ITGA4: variants seen among roughly 807,000 people sequenced by gnomAD.
The protein encoded by ITGA4 is integrin subunit alpha 4.
A neutral mutation model predicts 133.6 loss-of-function variants in ITGA4; 63 were observed. The ratio of observed to expected loss-of-function variants is 0.47; its 90% confidence interval spans 0.38 to 0.58. ITGA4 has a LOEUF of 0.58. Ranked by LOEUF, ITGA4 falls within the 20% of genes least tolerant of loss-of-function variation. The pLI, the probability that ITGA4 is intolerant of heterozygous loss-of-function variation, is 0.00. For missense variants in ITGA4, 1,076 were observed against 1,252.7 expected (o/e 0.86, Z 2.13); for synonymous variants, 483 against 438.0 (o/e 1.10, Z -1.28).
In ITGA4 at chr2:181,536,900, A is replaced by T; in HGVS notation, c.*1373A>T. The T allele has an allele frequency of 2.2e-6, 1 of 453,424 alleles. No homozygotes were observed. 28.1% of individuals were successfully genotyped at this position (453,424 alleles called of 1,614,324 possible). ...TGTTATAGGGAGTGATCAAATTAGA[A>T]GGCAATGTGGAAAAACAATTCTGGG... On this transcript the variant is annotated 3_prime_UTR_variant, in exon 28 of 28. Transcript: ENST00000397033.
chr2:181,521,013 A>T (rs180981601), intron 17 of ITGA4, among the ~76,000 whole-genome samples: 1 of 152,182 alleles, frequency 6.6e-6, no homozygotes, highest in Non-Finnish European at 1.5e-5. Context: ...TTCAAACACT[A>T]ATCTTCTCTA....
intron 2 of ITGA4, among the ~76,000 whole-genome samples, chr2:181,461,549 G>A (rs1186999111): frequency 4.6e-5 from 7 of 151,914 alleles, no homozygotes. Flanking sequence ...ATCACAGCTG[G>A]TTCCTAAATT....
At chr2:181,473,680 T>A (rs1685607518) in intron 2 of ITGA4, among the ~76,000 whole-genome samples, 1 of 152,214 alleles carries the variant, frequency 6.6e-6, no homozygotes, top group African/African-American at 2.4e-5. Flanking sequence ...TCTCAAATAT[T>A]AGCCTTACCA....
At chr2:181,465,335 T>C (rs1432492175) in intron 2 of ITGA4, among the ~76,000 whole-genome samples, 1 of 152,168 alleles carries the variant, frequency 6.6e-6, no homozygotes, top group Non-Finnish European at 1.5e-5. Context: ...GATAATATGA[T>C]ACATTCCTCA....
At chr2:181,474,813 A>G (rs1436414174) in intron 2 of ITGA4, 147 bp from the exon 3 acceptor site, 4 of 623,300 alleles carry the variant, frequency 6.4e-6, no homozygotes, top group Non-Finnish European at 1.1e-5. Context: ...GTTGGCACAG[A>G]GTAATTCACA....
At chr2:181,512,549 A>G (rs1250065435) in intron 17 of ITGA4, among the ~76,000 whole-genome samples, 3 of 152,250 alleles carry the variant, frequency 2.0e-5, no homozygotes, top group African/African-American at 7.2e-5. Context: ...GAGATTAAAA[A>G]GAATGGGGAG....
intron 14 of ITGA4, chr2:181,498,208 A>T (rs955628435): frequency 6.6e-6 from 1 of 152,356 alleles, no homozygotes; most frequent in Non-Finnish European, 1.5e-5. Flanking sequence ...TAGTCATATA[A>T]CCACATAAGA....
At chr2:181,512,970 A>G (rs1432788436) in intron 17 of ITGA4, among the ~76,000 whole-genome samples, 1 of 152,108 alleles carries the variant, frequency 6.6e-6, no homozygotes, top group African/African-American at 2.4e-5. Flanking sequence ...TCTTCAACTT[A>G]ACTTCCAGCA....
At chr2:181,470,338 C>T (rs547297054) in intron 2 of ITGA4, among the ~76,000 whole-genome samples, 18 of 152,014 alleles carry the variant, frequency 1.2e-4, no homozygotes, top group East Asian at 3.9e-4. Context: ...GTGTACTTTA[C>T]GTATGGCCCA....
rs748671905 is a variant in ITGA4, at chr2:181,457,788, A to C, written c.134A>C (p.Gln45Pro). 6.2e-7 allele frequency: 1 copy of C among 1,613,542 alleles called. No homozygotes were observed. The highest frequency in any genetic ancestry group is 1.3e-5 in the African/African-American group (1 of 74,892). ...NVDTESALLYQGPHNTLFGYS... is the reference protein window; with the variant it reads ...NVDTESALLYPGPHNTLFGYS... The stretch of plus-strand genomic sequence containing the variant: ...GACACTGAGAGCGCGCTGCTTTACC[A>C]GGGCCCCCACAACACGCTGTTCGGC... The change falls in exon 1 of 28, where the codon CAG becomes CCG. Residue 45 changes from glutamine to proline, a missense_variant. Gln to Pro is a moderately conservative substitution (Grantham distance 76). Coordinates refer to ENST00000397033, the MANE Select transcript of ITGA4 (RefSeq NM_000885.6).
At chr2:181,474,226 G>C (rs1005335745) in intron 2 of ITGA4, among the ~76,000 whole-genome samples, 1 of 152,156 alleles carries the variant, frequency 6.6e-6, no homozygotes, top group Non-Finnish European at 1.5e-5. Flanking sequence ...AATGATCACT[G>C]TGAAGACCAC....
intron 11 of ITGA4, among the ~76,000 whole-genome samples, chr2:181,494,491 T>C (rs1686120632): frequency 6.6e-6 from 1 of 152,216 alleles, no homozygotes; most frequent in Non-Finnish European, 1.5e-5. Flanking sequence ...CTGTACAGCA[T>C]AATTTTCCCT....
At position 181,475,985 on chromosome 2, in the gene ITGA4, T is replaced by TAA. The variant is rs112771112; in HGVS notation, c.556+697_556+698insAA. The TAA allele has an allele frequency of 9.1e-4, 1,112 of 1,219,974 alleles. 6 individuals carry two copies. The African/African-American group carries it at 0.016, about 18-fold the overall frequency. 75.6% of individuals were successfully genotyped at this position (1,219,974 alleles called of 1,614,324 possible). On this transcript the variant is annotated intron_variant, in intron 4 of 27. Coordinates refer to ENST00000397033, the MANE Select transcript of ITGA4 (RefSeq NM_000885.6). ...CAAATTCATAATTTTCTAACCACCC[T>TAA]CACTCAAAAAAAATCCCTCAGCACG...
chr2:181,535,594 T>A lies in ITGA4; in HGVS notation c.*67T>A. On this transcript the variant is annotated 3_prime_UTR_variant, in exon 28 of 28. Transcript: ENST00000397033. The stretch of plus-strand genomic sequence containing the variant: ...TGTAGTAAAGAAATTTAAAAGACAC[T>A]GTTTACAAGAAAAAATGAATTTTGT... 6.6e-7 allele frequency: 1 copy of A among 1,510,970 alleles called. No individual in the cohort carries two copies. 93.6% of individuals were successfully genotyped at this position (1,510,970 alleles called of 1,614,324 possible).
intron 20 of ITGA4, among the ~76,000 whole-genome samples, chr2:181,524,850 T>G (rs1686799849): frequency 6.6e-6 from 1 of 152,094 alleles, no homozygotes; most frequent in African/African-American, 2.4e-5. Flanking sequence ...TTCTTCAACC[T>G]AAAGAGAGTA....
intron 5 of ITGA4, 46 bp downstream of exon 5, chr2:181,478,870 C>T: frequency 2.2e-6 from 2 of 919,712 alleles, no homozygotes; most frequent in Non-Finnish European, 3.1e-6. Flanking sequence ...CATATAGAAT[C>T]TTAATTCTTC....
intron 2 of ITGA4, chr2:181,459,313 G>T (rs1685210185): frequency 9.7e-6 from 1 of 102,850 alleles, no homozygotes; most frequent in Non-Finnish European, 2.1e-5. Context: ...ATAAAATTAA[G>T]TGAATGGTTT....
chr2:181,522,866 T>C (rs1209635104), intron 18 of ITGA4, among the ~76,000 whole-genome samples: 2 of 152,286 alleles, frequency 1.3e-5, no homozygotes, highest in East Asian at 3.9e-4. Flanking sequence ...AAAGTAACAG[T>C]GGAAACTCAG....
At chr2:181,471,684 C>A (rs1015619329) in intron 2 of ITGA4, among the ~76,000 whole-genome samples, 1 of 152,136 alleles carries the variant, frequency 6.6e-6, no homozygotes, top group Non-Finnish European at 1.5e-5. Flanking sequence ...GGCATTTTGA[C>A]CCCCACCCCA....
Sources: gnomAD v4.1 joint callset for allele counts (sites outside exome capture counted in the v4.1 genomes callset) on GRCh38, gnomAD v4.1.1 for gene constraint, MANE v1.5 for transcripts, NCBI Gene and HGNC (gene_info 2026-07-23, HGNC 2026-07-21) for gene names.